The following RABL2B variants were observed in gnomAD, a reference collection of about 807,000 sequenced individuals.
The protein encoded by RABL2B is RAB, member of RAS oncogene family like 2B.
A neutral mutation model predicts 26.7 loss-of-function variants in RABL2B; 17 were observed. That is an observed-to-expected ratio of 0.64 (90% CI 0.44 to 0.95). RABL2B has a LOEUF of 0.95. RABL2B is among the 40% of genes least tolerant of loss of function. RABL2B has a pLI of 0.00. For missense variants in RABL2B, 170 were observed against 277.2 expected, an observed-to-expected ratio of 0.61 and a Z score of 2.75; for synonymous variants, 70 against 103.9, an observed-to-expected ratio of 0.67 and a Z score of 1.99.
chr22:50,780,750 C>A (rs1196160748), intron 2 of RABL2B: 7 of 470,538 alleles, frequency 1.5e-5, no homozygotes, highest in South Asian at 1.1e-4. Context: ...TAATCTTTGA[C>A]GTCAAGTTAA....
intron 5 of RABL2B, among the ~76,000 whole-genome samples, chr22:50,774,811 CTT>C (rs1398326105): frequency 6.6e-6 from 1 of 151,740 alleles, no homozygotes; most frequent in Admixed American, 6.6e-5. Context: ...GAGTTTTGCT[CTT>C]GTTGCCCAGG....
At chr22:50,783,066 A>T (rs2086151676) in intron 1 of RABL2B, 1 of 153,642 alleles carries the variant, frequency 6.5e-6, no homozygotes, top group Non-Finnish European at 1.4e-5. Context: ...AGCGACAGAA[A>T]GCCAAATCCA....
chr22:50,781,343 C>CAAAA (rs1205230491), intron 2 of RABL2B, among the ~76,000 whole-genome samples: 2 of 59,670 alleles, frequency 3.4e-5, no homozygotes, highest in Non-Finnish European at 6.9e-5. Context: ...GACTCCGTCT[C>CAAAA]AAAAAAAAAA....
rs539226648 is a variant in RABL2B, at chr22:50,779,912, C to T, written c.108-1931G>A. On this transcript the variant is annotated intron_variant, in intron 2 of 8. Transcript: ENST00000691320. ...ATGAGAATTGCTTGAACCTGGGAGG[C>T]GGAGGTTGCAGTGAGCCGAGATTGC... 1.8e-4 allele frequency among the ~76,000 whole-genome samples: 28 copies of T among 152,050 alleles called. No individual in the cohort carries two copies. The East Asian group carries it at 1.9e-3, about 10-fold the overall frequency.
Position 50,776,688 on chromosome 22 carries a change from C to T in RABL2B, c.199G>A (p.Gly67Arg). 2.5e-6 allele frequency: 4 copies of T among 1,611,560 alleles called. No individual in the cohort carries two copies. Among genetic ancestry groups the T allele is most frequent in the Non-Finnish European group, 2.5e-6 (3 of 1,178,770 alleles). ...CACTTACCCACAAGGATGGTCCTTC[C>T]ATCTACCGTGGCTGTGTGCTTGTAC... ...TLYKHTATVD[G>R]RTILVDFWDT... is the part of the protein sequence containing the mutation. Residue 67 changes from glycine to arginine, a missense_variant, in exon 4 of 9, where the codon GGA becomes AGA. Transcript: ENST00000691320.
At chr22:50,782,607 A>G (rs1555930957) in intron 1 of RABL2B, among the ~76,000 whole-genome samples, 1 of 151,984 alleles carries the variant, frequency 6.6e-6, no homozygotes, top group Non-Finnish European at 1.5e-5. Context: ...ATCCAGTGCC[A>G]AAGGCTGTGT....
Position 50,773,296 on chromosome 22 carries a change from A to AT in RABL2B, c.297+2475dup, listed in dbSNP as rs571302581. The stretch of plus-strand genomic sequence containing the variant: ...AGTTATCAGAGTTAAAGCTTTTGGA[A>AT]TTTTTCAAGGGATTTTGTTCTCAAG... On this transcript the variant is annotated intron_variant, in intron 5 of 8. Coordinates refer to ENST00000691320, the MANE Select transcript of RABL2B (RefSeq NM_001130919.3). 2.3e-3 allele frequency among the ~76,000 whole-genome samples: 353 copies of AT among 152,228 alleles called. 3 individuals are homozygous for AT. The highest frequency in any genetic ancestry group is 8.2e-3 in the African/African-American group (342 of 41,524).
chr22:50,773,551 G>C lies in RABL2B; in HGVS notation c.297+2221C>G, dbSNP rs1449343015. Among the ~76,000 whole-genome samples, 4 of 151,754 alleles carry C rather than the reference G, an allele frequency of 2.6e-5. No homozygotes were observed. The East Asian group carries it at 5.8e-4, about 22-fold the overall frequency. ...GGATCAGTGGTGCAGGAGCACACAC[G>C]AAAGAGCTAAGCTAATGACAAACAT... On this transcript the variant is annotated intron_variant, in intron 5 of 8. Coordinates refer to ENST00000691320, the MANE Select transcript of RABL2B (RefSeq NM_001130919.3).
In RABL2B at chr22:50,776,725, G is replaced by A. The variant is rs375595282; in HGVS notation, c.162C>T (p.Tyr54=). 1.3e-4 allele frequency: 213 copies of A among 1,611,234 alleles called. No individual in the cohort carries two copies. The highest frequency in any genetic ancestry group is 5.1e-4 in the East Asian group (23 of 44,790). The change falls in exon 4 of 9, where the codon TAC becomes TAT. Residue 54 remains tyrosine, a synonymous_variant. Coordinates refer to ENST00000691320, the MANE Select transcript of RABL2B (RefSeq NM_001130919.3). The stretch of plus-strand genomic sequence containing the variant: ...CTGTGTGCTTGTACAGGGTCAGGGC[G>A]TACGTGGACAGCTGCTGTGGCTGAC... The part of the protein sequence containing the change: ...DGFQPQQLST[Y]ALTLYKHTAT...
rs1192995102 is a variant in RABL2B at position 50,768,564 on chromosome 22, G to A, written c.*212C>T. On this transcript the variant is annotated 3_prime_UTR_variant, in exon 9 of 9. Coordinates refer to ENST00000691320, the MANE Select transcript of RABL2B (RefSeq NM_001130919.3). ...CTGATCCCTACTTCTGCTTCAAGGA[G>A]ATCTGGTGGGGAATTCTTCCACCAG... 1.6e-5 allele frequency: 19 copies of A among 1,179,760 alleles called. No homozygotes were observed. Among genetic ancestry groups the A allele is most frequent in the Admixed American group, 2.9e-5 (1 of 34,308 alleles). The allele number at this position is 1,179,760 out of a possible 1,614,324, so 73.1% of individuals were successfully genotyped here.
At chr22:50,770,852 G>C (rs1325635154) in intron 5 of RABL2B, among the ~76,000 whole-genome samples, 2 of 150,338 alleles carry the variant, frequency 1.3e-5, no homozygotes, top group East Asian at 3.9e-4. Context: ...CTGGGCTCAA[G>C]GAATCCTCCT....
In RABL2B at chr22:50,767,586, C is replaced by T. The variant is rs5771008; in HGVS notation, c.*1190G>A. On this transcript the variant is annotated 3_prime_UTR_variant, in exon 9 of 9. Coordinates refer to ENST00000691320, the MANE Select transcript of RABL2B (RefSeq NM_001130919.3). ...TAATAAACACAATGCAAACAATGCC[C>T]GAGATTATCATAAAAACATACTAGC... 5.9e-5 allele frequency: 20 copies of T among 338,562 alleles called. No homozygotes were observed. Among genetic ancestry groups the T allele is most frequent in the East Asian group, 1.8e-4 (2 of 11,110 alleles). The allele number at this position is 338,562 out of a possible 1,614,324, so 21.0% of individuals were successfully genotyped here.
intron 2 of RABL2B, among the ~76,000 whole-genome samples, chr22:50,781,646 G>A (rs546879578): frequency 5.3e-5 from 8 of 152,264 alleles, no homozygotes; most frequent in South Asian, 4.1e-4. Flanking sequence ...AGTCCTAGGC[G>A]TGAGAACTAG....
At chr22:50,773,896 G>A (rs1199155508) in intron 5 of RABL2B, among the ~76,000 whole-genome samples, 1 of 150,964 alleles carries the variant, frequency 6.6e-6, no homozygotes, top group East Asian at 1.9e-4. Flanking sequence ...TGCCATGGCA[G>A]ACTTTATTTT....
At position 50,773,144 on chromosome 22, in the gene RABL2B, C is replaced by T. The variant is rs561527588; in HGVS notation, c.297+2628G>A. On this transcript the variant is annotated intron_variant, in intron 5 of 8. Coordinates refer to ENST00000691320, the MANE Select transcript of RABL2B (RefSeq NM_001130919.3). Reference sequence around the variant, plus strand: ...AAAAAGAGAGGTGAGCTCAAAATACCAAATGCCACTGTAGGCCTGAAACCA... The same window carrying T: ...AAAAAGAGAGGTGAGCTCAAAATACTAAATGCCACTGTAGGCCTGAAACCA... 801 of 1,274,438 alleles carry T rather than the reference C, an allele frequency of 6.3e-4. 11 individuals carry two copies. In the African/African-American group the frequency reaches 0.011, roughly 18 times the overall value. 78.9% of individuals were successfully genotyped at this position (1,274,438 alleles called of 1,614,324 possible). A position where few individuals can be genotyped will look rare whatever the true frequency, so the allele number is the denominator to read the frequency against.
intron 3 of RABL2B, among the ~76,000 whole-genome samples, chr22:50,777,277 T>A (rs1344570082): frequency 1.3e-5 from 2 of 152,104 alleles, no homozygotes; most frequent in African/African-American, 4.8e-5. Flanking sequence ...CCGGACAGTG[T>A]AAAAAGCAGA....
chr22:50,773,050 G>A (rs2084420781), intron 5 of RABL2B: 1 of 1,232,376 alleles, frequency 8.1e-7, no homozygotes, highest in South Asian at 1.4e-5. Flanking sequence ...GACACCCCAG[G>A]CCTTCAGAAG....
In RABL2B at chr22:50,768,555, C is replaced by G; in HGVS notation, c.*221G>C. 1.7e-6 allele frequency: 2 copies of G among 1,148,770 alleles called. No individual in the cohort carries two copies. The allele number at this position is 1,148,770 out of a possible 1,614,324, so 71.2% of individuals were successfully genotyped here. A position where few individuals can be genotyped will look rare whatever the true frequency, so the allele number is the denominator to read the frequency against. On this transcript the variant is annotated 3_prime_UTR_variant, in exon 9 of 9. Transcript: ENST00000691320. Reference sequence around the variant, plus strand: ...TTAATGATGCTGATCCCTACTTCTGCTTCAAGGAGATCTGGTGGGGAATTC... The same window carrying G: ...TTAATGATGCTGATCCCTACTTCTGGTTCAAGGAGATCTGGTGGGGAATTC...
intron 5 of RABL2B, chr22:50,772,327 C>G: frequency 1.0e-6 from 1 of 985,388 alleles, no homozygotes. Context: ...CCGCGCCCAG[C>G]CTGTTTCTAC....
Sources: allele counts gnomAD v4.1 joint callset (sites outside exome capture counted in the v4.1 genomes callset), GRCh38; gene constraint gnomAD v4.1.1; transcripts MANE v1.5; gene names NCBI Gene and HGNC (gene_info 2026-07-23, HGNC 2026-07-21).